XRN1: variants seen among roughly 807,000 people sequenced by gnomAD.
XRN1 encodes strand-exchange protein 1 homolog.
Under a neutral mutation model 222.3 loss-of-function variants are expected in XRN1, and 67 were observed. The ratio of observed to expected loss-of-function variants is 0.30; its 90% CI spans 0.25 to 0.37. The LOEUF (loss-of-function observed/expected upper bound fraction) is 0.37, where lower values mean the gene tolerates loss of function less well. XRN1 is among the 10% of genes least tolerant of loss of function. The pLI is 1.00. For synonymous variants in XRN1, 643 were observed against 652.4 expected (o/e 0.99, Z 0.22); for missense variants, 1,707 against 2,000.2 (o/e 0.85, Z 2.80).
chr3:142,433,002 T>A, intron 1 of XRN1, 109 bp from the exon 2 acceptor site: 1 of 812,524 alleles, frequency 1.2e-6, no homozygotes, highest in South Asian at 2.0e-5. Context: ...ATTTGTGTAT[T>A]CTATTATACA....
intron 12 of XRN1, chr3:142,418,255 A>G (rs1362981141): frequency 1.3e-5 from 5 of 385,718 alleles, no homozygotes; most frequent in Admixed American, 9.0e-5. Context: ...TTACTATTAT[A>G]AACAACTTTG....
chr3:142,431,460 C>G (rs2069520102), intron 2 of XRN1, among the ~76,000 whole-genome samples: 1 of 152,054 alleles, frequency 6.6e-6, no homozygotes, highest in African/African-American at 2.4e-5. Context: ...GTAGGCAGAT[C>G]ACTTGAGGTC....
chr3:142,403,655 T>C lies in XRN1; in HGVS notation c.2103+19A>G, dbSNP rs754549948. 8.1e-6 allele frequency: 13 copies of C among 1,602,548 alleles called. No individual in the cohort carries two copies. Among genetic ancestry groups the C allele is most frequent in the Non-Finnish European group, 1.0e-5 (12 of 1,170,468 alleles). On this transcript the variant is annotated intron_variant, in intron 18 of 40. Coordinates refer to ENST00000392981, the MANE Select transcript of XRN1 (RefSeq NM_001282857.2). ...ACATTATAGGCATCTAATAAATGAATGATAAATAAAATACTTACAAGTTCA... is the reference window on the plus strand; with the variant it reads ...ACATTATAGGCATCTAATAAATGAACGATAAATAAAATACTTACAAGTTCA...
At chr3:142,390,096 T>C (rs2067661038) in intron 20 of XRN1, among the ~76,000 whole-genome samples, 1 of 152,336 alleles carries the variant, frequency 6.6e-6, no homozygotes, top group Non-Finnish European at 1.5e-5. Context: ...TGTGCTGTCA[T>C]TCAGACTTCG....
Position 142,432,829 on chromosome 3 carries a change from T to C in XRN1, c.140A>G (p.Asn47Ser). The change falls in exon 2 of 41, where the codon AAT becomes AGT. Residue 47 changes from asparagine (N) to serine (S), a missense_variant. Asn to Ser is a conservative substitution (Grantham distance 46). This residue lies in a region of XRN1 where 1,234 missense variants were observed against 1,518.2 expected (regional missense o/e 0.81). Coordinates refer to ENST00000392981, the MANE Select transcript of XRN1 (RefSeq NM_001282857.2). ...AATTCTAAAGTGAACATCATCATCATTAGGATGGGAGCACTGATGTATAAT... is the reference window on the plus strand; with the variant it reads ...AATTCTAAAGTGAACATCATCATCACTAGGATGGGAGCACTGATGTATAAT... ...NGIIHQCSHP[N>S]DDDVHFRISD... is the part of the protein sequence containing the mutation. The C allele has an allele frequency of 6.2e-7, 1 of 1,613,966 alleles. No individual in the cohort carries two copies. The highest frequency in any genetic ancestry group is 1.1e-5 in the South Asian group (1 of 91,066).
intron 32 of XRN1, among the ~76,000 whole-genome samples, chr3:142,351,133 G>A (rs932786433): frequency 2.6e-5 from 4 of 151,694 alleles, no homozygotes; most frequent in African/African-American, 4.9e-5. Flanking sequence ...ATCTATCTAT[G>A]TATCTATCTA....
intron 20 of XRN1, among the ~76,000 whole-genome samples, chr3:142,389,022 C>G (rs371316952): frequency 2.0e-5 from 3 of 152,198 alleles, no homozygotes; most frequent in African/African-American, 7.2e-5. Context: ...TGAGACCAAC[C>G]TGGCCAAAAT....
In XRN1 at chr3:142,391,208, C is replaced by T. The variant is rs575873891; in HGVS notation, c.2339+6121G>A. On this transcript the variant is annotated intron_variant, in intron 20 of 40. Transcript: ENST00000392981. Reference sequence around the variant, plus strand: ...ACTGATAGAGTTGCAACATGGTTGTCGCAAGCCTCTAATTTGTAAAAAAAA... The same window carrying T: ...ACTGATAGAGTTGCAACATGGTTGTTGCAAGCCTCTAATTTGTAAAAAAAA... Among the ~76,000 whole-genome samples the T allele has an allele frequency of 4.3e-4, 66 of 152,014 alleles. No individual in the cohort carries two copies. The South Asian group carries it at 0.013, about 31-fold the overall frequency.
chr3:142,390,155 GC>G (rs1205666544), intron 20 of XRN1, among the ~76,000 whole-genome samples: 1 of 152,148 alleles, frequency 6.6e-6, no homozygotes, highest in Non-Finnish European at 1.5e-5. Flanking sequence ...ATTCTTAAAG[GC>G]CCCAGGATTT....
chr3:142,371,658 T>C (rs1364629834), intron 25 of XRN1, among the ~76,000 whole-genome samples: 3 of 152,148 alleles, frequency 2.0e-5, no homozygotes, highest in Non-Finnish European at 4.4e-5. Flanking sequence ...ACAACAAAAC[T>C]AGAGCACTCC....
intron 32 of XRN1, among the ~76,000 whole-genome samples, chr3:142,352,835 G>T (rs1404607513): frequency 2.0e-5 from 3 of 152,096 alleles, no homozygotes; most frequent in African/African-American, 7.2e-5. Context: ...GTAGAGATGG[G>T]GTTTCACCAT....
intron 15 of XRN1, among the ~76,000 whole-genome samples, chr3:142,408,384 G>A (rs1184017320): frequency 2.0e-5 from 3 of 152,160 alleles, no homozygotes; most frequent in Non-Finnish European, 4.4e-5. Flanking sequence ...TGCAGAAAAG[G>A]TATATTGCAG....
At chr3:142,427,664 T>A (rs2069315873) in intron 2 of XRN1, among the ~76,000 whole-genome samples, 2 of 152,184 alleles carry the variant, frequency 1.3e-5, no homozygotes. Flanking sequence ...ATTAATGAAA[T>A]CAACTGCAAA....
At position 142,309,970 on chromosome 3, in the gene XRN1, T is replaced by C. The variant is rs1245772269; in HGVS notation, c.*1541A>G. ...ATAAAGAAACAATGTTGGGAACTGA[T>C]AAACATCTGAACTTATGAAAATAAC... On this transcript the variant is annotated 3_prime_UTR_variant, in exon 41 of 41. Coordinates refer to ENST00000392981, the MANE Select transcript of XRN1 (RefSeq NM_001282857.2). 1.3e-5 allele frequency: 2 copies of C among 152,560 alleles called. No individual in the cohort carries two copies. Among genetic ancestry groups the C allele is most frequent in the South Asian group, 2.1e-4 (1 of 4,824 alleles). The allele number at this position is 152,560 out of a possible 1,614,324, so 9.5% of individuals were successfully genotyped here. A position where few individuals can be genotyped will look rare whatever the true frequency, so the allele number is the denominator to read the frequency against.
At chr3:142,410,486 T>TG (rs1559859588) in intron 15 of XRN1, among the ~76,000 whole-genome samples, 4 of 127,788 alleles carry the variant, frequency 3.1e-5, no homozygotes, top group African/African-American at 6.3e-5. Flanking sequence ...TTCTATCTCA[T>TG]GTTTTTTTTT....
At chr3:142,400,367 A>G in intron 19 of XRN1, 77 bp downstream of exon 19, 2 of 1,254,508 alleles carry the variant, frequency 1.6e-6, no homozygotes, top group Non-Finnish European at 1.1e-6. Context: ...TGTCAGTTAA[A>G]AAAATGAATC....
chr3:142,351,676 T>A (rs138735789), intron 32 of XRN1, among the ~76,000 whole-genome samples: 2 of 152,168 alleles, frequency 1.3e-5, no homozygotes, highest in East Asian at 3.9e-4. Flanking sequence ...CCAACAACAG[T>A]TTTCTTTTCA....
chr3:142,326,299 T>A (rs765079699), intron 37 of XRN1, among the ~76,000 whole-genome samples: 25 of 152,242 alleles, frequency 1.6e-4, no homozygotes, highest in Non-Finnish European at 3.4e-4. Flanking sequence ...AATCTTTCCA[T>A]TTCTTTGTGT....
chr3:142,376,687 C>T, intron 23 of XRN1, 93 bp from the exon 24 acceptor site: 1 of 861,088 alleles, frequency 1.2e-6, no homozygotes, highest in Non-Finnish European at 1.8e-6. Flanking sequence ...ATAATCAAGA[C>T]ATCACTAACC....
Sources: allele counts gnomAD v4.1 joint callset (sites outside exome capture counted in the v4.1 genomes callset), GRCh38; gene constraint gnomAD v4.1.1; regional missense constraint gnomAD v4.1.1; transcripts MANE v1.5; gene names NCBI Gene and HGNC (gene_info 2026-07-23, HGNC 2026-07-21).